ARID2: variants seen among roughly 807,000 people sequenced by gnomAD.
ARID2 encodes the protein AT-rich interactive domain-containing protein 2.
A neutral mutation model predicts 184.6 loss-of-function variants in ARID2; 32 were observed. The observed-to-expected ratio is 0.17, with a 90% CI of 0.13 to 0.23. ARID2 has a LOEUF of 0.23. Ranked by LOEUF, ARID2 falls within the 10% of genes least tolerant of loss-of-function variation. The pLI is 1.00. For synonymous variants in ARID2, 836 were observed against 772.6 expected (o/e 1.08, Z -1.36); for missense variants, 1,696 against 2,197.6 (o/e 0.77, Z 4.56).
At chr12:45,796,626 G>A (rs1272809758) in intron 3 of ARID2, among the ~76,000 whole-genome samples, 1 of 152,134 alleles carries the variant, frequency 6.6e-6, no homozygotes, top group African/African-American at 2.4e-5. Flanking sequence ...CAGTTCGCCT[G>A]CTTTAGTCTC....
chr12:45,734,029 TAAAAAA>T, intron 3 of ARID2, among the ~76,000 whole-genome samples: 1 of 151,936 alleles, frequency 6.6e-6, no homozygotes, highest in Non-Finnish European at 1.5e-5. Flanking sequence ...AATTAAAAAT[TAAAAAA>T]AAGTAAAGTG....
At chr12:45,758,808 C>T (rs548127735) in intron 3 of ARID2, among the ~76,000 whole-genome samples, 1 of 152,230 alleles carries the variant, frequency 6.6e-6, no homozygotes, top group South Asian at 2.1e-4. Flanking sequence ...AAGGGTACAC[C>T]TTGAAAGTTG....
At chr12:45,740,422 C>G (rs1565578329) in intron 3 of ARID2, among the ~76,000 whole-genome samples, 1 of 151,776 alleles carries the variant, frequency 6.6e-6, no homozygotes, top group Admixed American at 6.6e-5. Context: ...TGTGCACACT[C>G]ATACACACAC....
intron 3 of ARID2, among the ~76,000 whole-genome samples, chr12:45,772,991 G>A (rs1941905823): frequency 6.6e-6 from 1 of 152,022 alleles, no homozygotes; most frequent in Non-Finnish European, 1.5e-5. Flanking sequence ...ATATTCTCTA[G>A]GAAACACCAT....
chr12:45,777,927 C>G (rs1379658399), intron 3 of ARID2, among the ~76,000 whole-genome samples: 3 of 151,762 alleles, frequency 2.0e-5, no homozygotes, highest in African/African-American at 4.8e-5. Flanking sequence ...TAAAACCGGC[C>G]AGGCCCAGTG....
chr12:45,899,697 A>G lies in ARID2; in HGVS notation c.5364-5237A>G, dbSNP rs538367470. 8.5e-5 allele frequency among the ~76,000 whole-genome samples: 9 copies of G among 105,516 alleles called. No homozygotes were observed. In the South Asian group the frequency reaches 2.7e-3, roughly 32 times the overall value. 69.2% of individuals were successfully genotyped at this position (105,516 alleles called of 152,430 possible). On this transcript the variant is annotated intron_variant, in intron 20 of 20. Transcript: ENST00000334344. ...TATATATGGTTATATATATATGGTT[A>G]TATATATATATGGTTATATATATAT...
At chr12:45,818,802 G>A (rs1427080287) in intron 5 of ARID2, among the ~76,000 whole-genome samples, 4 of 152,000 alleles carry the variant, frequency 2.6e-5, no homozygotes, top group Non-Finnish European at 1.5e-5. Context: ...GATTATTTAG[G>A]TAGGATTCTT....
At chr12:45,895,249 A>G (rs1944354928) in intron 20 of ARID2, among the ~76,000 whole-genome samples, 1 of 152,180 alleles carries the variant, frequency 6.6e-6, no homozygotes, top group Non-Finnish European at 1.5e-5. Flanking sequence ...CCAACACATT[A>G]TAACCTCTAC....
At chr12:45,730,549 GAC>G (rs1277841362) in intron 2 of ARID2, among the ~76,000 whole-genome samples, 1 of 152,098 alleles carries the variant, frequency 6.6e-6, no homozygotes, top group African/African-American at 2.4e-5. Context: ...GACACACAGA[GAC>G]ACACAGACTC....
intron 20 of ARID2, chr12:45,904,289 A>G: frequency 1.4e-6 from 1 of 708,940 alleles, no homozygotes; most frequent in South Asian, 1.5e-5. Context: ...CTTAAAAGCA[A>G]CCATTTTGTT....
chr12:45,737,048 C>G (rs1047010255), intron 3 of ARID2, among the ~76,000 whole-genome samples: 2 of 152,124 alleles, frequency 1.3e-5, no homozygotes, highest in Admixed American at 6.5e-5. Context: ...AAACTTTTTT[C>G]TGTTTTAAAA....
In ARID2 at chr12:45,763,784, C is replaced by T. The variant is rs555292603; in HGVS notation, c.284+32470C>T. Among the ~76,000 whole-genome samples the T allele has an allele frequency of 5.1e-4, 78 of 152,238 alleles. No individual in the cohort carries two copies. In the South Asian group the frequency reaches 0.015, roughly 28 times the overall value. On this transcript the variant is annotated intron_variant, in intron 3 of 20. Transcript: ENST00000334344. ...GGGATTACAGGTGTGAGCCACTGTG[C>T]CTGGCTGATTGTTATTGTTGAGGGA...
intron 3 of ARID2, among the ~76,000 whole-genome samples, chr12:45,785,436 TCTC>T (rs1209881828): frequency 1.3e-5 from 2 of 152,160 alleles, no homozygotes; most frequent in Non-Finnish European, 2.9e-5. Flanking sequence ...AATCTTTGCC[TCTC>T]CTCCTGTGAT....
intron 16 of ARID2, among the ~76,000 whole-genome samples, chr12:45,871,173 A>G (rs889315287): frequency 6.6e-6 from 1 of 152,198 alleles, no homozygotes; most frequent in Non-Finnish European, 1.5e-5. Context: ...GTGTGTTGGT[A>G]TATCTGTTAA....
chr12:45,879,572 A>G lies in ARID2; in HGVS notation c.4923-12208A>G, dbSNP rs117824600. 5.7e-3 allele frequency among the ~76,000 whole-genome samples: 862 copies of G among 152,312 alleles called. 5 individuals carry two copies. Among genetic ancestry groups the G allele is most frequent in the Non-Finnish European group, 9.6e-3 (654 of 68,028 alleles). On this transcript the variant is annotated intron_variant, in intron 16 of 20. Coordinates refer to ENST00000334344, the MANE Select transcript of ARID2 (RefSeq NM_152641.4). Reference sequence around the variant, plus strand: ...CCAGCTATAAGGGCTGATTCTCTGTATTCAAGGGTCTCTCCAGCTTTCAGA... The same window carrying G: ...CCAGCTATAAGGGCTGATTCTCTGTGTTCAAGGGTCTCTCCAGCTTTCAGA...
intron 3 of ARID2, among the ~76,000 whole-genome samples, chr12:45,761,724 T>A (rs150332257): frequency 6.6e-6 from 1 of 152,094 alleles, no homozygotes; most frequent in Non-Finnish European, 1.5e-5. Context: ...TTATCTTTTC[T>A]CCTTAGCACT....
rs966773203 is a variant in ARID2, at chr12:45,905,224, A to G, written c.*146A>G. On this transcript the variant is annotated 3_prime_UTR_variant, in exon 21 of 21. Coordinates refer to ENST00000334344, the MANE Select transcript of ARID2 (RefSeq NM_152641.4). Reference sequence around the variant, plus strand: ...CCATGATGCTGAGAGGAAGCTTCGTATTCTGATCTCTGAGTGAATCCCTTT... The same window carrying G: ...CCATGATGCTGAGAGGAAGCTTCGTGTTCTGATCTCTGAGTGAATCCCTTT... 6.8e-6 allele frequency: 5 copies of G among 734,234 alleles called. No individual in the cohort carries two copies. The highest frequency in any genetic ancestry group is 5.4e-5 in the African/African-American group (3 of 55,514). 45.5% of individuals were successfully genotyped at this position (734,234 alleles called of 1,614,324 possible). A position where few individuals can be genotyped will look rare whatever the true frequency, so the allele number is the denominator to read the frequency against.
Position 45,899,384 on chromosome 12 carries a change from C to T in ARID2, c.5364-5550C>T, listed in dbSNP as rs1056262269. Among the ~76,000 whole-genome samples, 98 of 148,218 alleles carry T rather than the reference C, an allele frequency of 6.6e-4. 1 individual carries two copies. The highest frequency in any genetic ancestry group is 1.1e-3 in the Non-Finnish European group (71 of 67,474). ...CTTTGGGAGGCCAAGGCGGGCAGAT[C>T]ACGAGGTCAGGAGATCAAGACCATC... On this transcript the variant is annotated intron_variant, in intron 20 of 20. Transcript: ENST00000334344.
chr12:45,901,827 G>A (rs752694860), intron 20 of ARID2, among the ~76,000 whole-genome samples: 2 of 151,858 alleles, frequency 1.3e-5, no homozygotes, highest in African/African-American at 2.4e-5. Context: ...ATGCCCAACA[G>A]TTCATTTTTT....
Sources: allele counts gnomAD v4.1 joint callset (sites outside exome capture counted in the v4.1 genomes callset), GRCh38; gene constraint gnomAD v4.1.1; transcripts MANE v1.5; gene names NCBI Gene and HGNC (gene_info 2026-07-23, HGNC 2026-07-21).